Variants in NRXN1 observed in about 807,000 individuals in gnomAD.
NRXN1 encodes neurexin-1.
Under a neutral mutation model 150.9 loss-of-function variants are expected in NRXN1, and 39 were observed. That is an observed-to-expected ratio of 0.26 (90% CI 0.20 to 0.34). The LOEUF (loss-of-function observed/expected upper bound fraction) is 0.34. NRXN1 is among the 10% of genes least tolerant of loss of function. The pLI is 1.00. For synonymous variants in NRXN1, 924 were observed against 757.0 expected, an observed-to-expected ratio of 1.22 and a Z score of -3.62; for missense variants, 1,815 against 1,949.9, an observed-to-expected ratio of 0.93 and a Z score of 1.30.
intron 17 of NRXN1, among the ~76,000 whole-genome samples, chr2:50,421,732 A>G (rs2084015428): frequency 6.6e-6 from 1 of 152,178 alleles, no homozygotes. Flanking sequence ...TTTTGTAGCT[A>G]AACAAAGTGC....
intron 5 of NRXN1, among the ~76,000 whole-genome samples, chr2:50,822,631 G>A (rs1355727018): frequency 6.6e-6 from 1 of 152,002 alleles, no homozygotes; most frequent in Non-Finnish European, 1.5e-5. Flanking sequence ...TGAATGCTGA[G>A]AAAAAGAGAA....
At chr2:50,444,631 AC>A (rs1355938122) in intron 17 of NRXN1, among the ~76,000 whole-genome samples, 1 of 152,148 alleles carries the variant, frequency 6.6e-6, no homozygotes, top group Non-Finnish European at 1.5e-5. Flanking sequence ...TTAAGAGGAC[AC>A]CAAAAAGTCA....
chr2:50,086,807 G>C (rs1216661056), intron 19 of NRXN1, among the ~76,000 whole-genome samples: 1 of 144,812 alleles, frequency 6.9e-6, no homozygotes, highest in Non-Finnish European at 1.5e-5. Context: ...GAGAGGGGGA[G>C]AGGCAGAGAA....
At chr2:50,299,690 A>C (rs2152953441) in intron 17 of NRXN1, among the ~76,000 whole-genome samples, 1 of 152,310 alleles carries the variant, frequency 6.6e-6, no homozygotes, top group African/African-American at 2.4e-5. Flanking sequence ...TTTAAAAGTT[A>C]AAGGAAGAAA....
intron 8 of NRXN1, among the ~76,000 whole-genome samples, chr2:50,556,402 T>A (rs1454616251): frequency 2.0e-5 from 3 of 152,180 alleles, no homozygotes; most frequent in African/African-American, 7.2e-5. Context: ...ATGTTTCACT[T>A]TTGAACAAGT....
chr2:50,324,041 G>A (rs1177299296), intron 17 of NRXN1, among the ~76,000 whole-genome samples: 1 of 152,200 alleles, frequency 6.6e-6, no homozygotes, highest in Non-Finnish European at 1.5e-5. Context: ...CCCGAGGACG[G>A]GAAGGCTTTG....
At chr2:50,067,142 T>C (rs78191852) in intron 19 of NRXN1, among the ~76,000 whole-genome samples, 2,976 of 152,262 alleles carry the variant, frequency 0.02, 82 homozygotes, top group African/African-American at 0.068. Flanking sequence ...ACTGCTGTGA[T>C]GTTGGGCGTA....
intron 5 of NRXN1, among the ~76,000 whole-genome samples, chr2:50,628,681 T>A (rs1326585534): frequency 1.3e-5 from 2 of 151,662 alleles, no homozygotes. Flanking sequence ...CATTTTTAAA[T>A]ACAAGTCCCA....
rs1436364831 is a variant in NRXN1 at position 50,000,359 on chromosome 2, G to C, written c.4128+52912C>G. On this transcript the variant is annotated intron_variant, in intron 21 of 22. Coordinates refer to ENST00000401669, the MANE Select transcript of NRXN1 (RefSeq NM_001330078.2). ...AAGAAATGGAAATTATATAACTAGA[G>C]ATAATTCAAATATGTAAATAAAATT... is the stretch of plus-strand genomic sequence containing the variant. 3.9e-5 allele frequency among the ~76,000 whole-genome samples: 6 copies of C among 152,076 alleles called. No individual in the cohort carries two copies. In the South Asian group the frequency reaches 1.2e-3, roughly 31 times the overall value.
rs188611846 is a variant in NRXN1 at position 50,507,536 on chromosome 2, T to C, written c.2375-919A>G. The stretch of plus-strand genomic sequence containing the variant: ...CTGCTAGTGAATCTATATAAACCTA[T>C]GCAAATGAAATTTAAATGGACTCAG... On this transcript the variant is annotated intron_variant, in intron 12 of 22. Transcript: ENST00000401669. 5.7e-4 allele frequency among the ~76,000 whole-genome samples: 85 copies of C among 149,034 alleles called. No individual in the cohort carries two copies. The East Asian group carries it at 0.014, about 25-fold the overall frequency.
At chr2:50,424,930 G>A (rs1042720929) in intron 17 of NRXN1, among the ~76,000 whole-genome samples, 3 of 152,084 alleles carry the variant, frequency 2.0e-5, no homozygotes, top group African/African-American at 7.2e-5. Context: ...CCAATTCACT[G>A]TAGTTCTTCA....
chr2:50,359,787 C>T (rs547922401), intron 17 of NRXN1, among the ~76,000 whole-genome samples: 92 of 152,072 alleles, frequency 6.0e-4, no homozygotes, highest in Non-Finnish European at 1.1e-3. Context: ...AGAAGAGCAA[C>T]CCCAAAACAC....
intron 21 of NRXN1, among the ~76,000 whole-genome samples, chr2:49,962,056 C>G (rs985875490): frequency 6.6e-6 from 1 of 151,776 alleles, no homozygotes; most frequent in Non-Finnish European, 1.5e-5. Flanking sequence ...TAGTGAGACC[C>G]TAACACTAAA....
At chr2:50,724,776 A>C (rs115738221) in intron 5 of NRXN1, among the ~76,000 whole-genome samples, 6,112 of 152,226 alleles carry the variant, frequency 0.04, 150 homozygotes, top group Admixed American at 0.07. Context: ...GTGTGTGATG[A>C]GGTATTACTC....
chr2:50,988,315 T>C (rs1025365545), intron 2 of NRXN1, among the ~76,000 whole-genome samples: 5 of 151,982 alleles, frequency 3.3e-5, no homozygotes, highest in African/African-American at 1.2e-4. Flanking sequence ...CTTGAAATAA[T>C]ATAGACTTTA....
At chr2:50,605,775 G>A (rs1677003773) in intron 8 of NRXN1, among the ~76,000 whole-genome samples, 1 of 150,772 alleles carries the variant, frequency 6.6e-6, no homozygotes, top group Admixed American at 6.7e-5. Flanking sequence ...ATATCATGCA[G>A]CAATCCCACT....
At chr2:50,128,840 G>T (rs959994150) in intron 18 of NRXN1, among the ~76,000 whole-genome samples, 1 of 151,560 alleles carries the variant, frequency 6.6e-6, no homozygotes, top group South Asian at 2.1e-4. Flanking sequence ...AAAATTAACC[G>T]GGCATGGTGG....
intron 21 of NRXN1, among the ~76,000 whole-genome samples, chr2:50,013,425 G>T (rs906703202): frequency 1.5e-4 from 23 of 152,088 alleles, no homozygotes; most frequent in African/African-American, 5.5e-4. Context: ...TTGACCTCTT[G>T]AATTGTTGGC....
intron 21 of NRXN1, among the ~76,000 whole-genome samples, chr2:49,990,773 G>A (rs979756396): frequency 6.6e-6 from 1 of 152,050 alleles, no homozygotes; most frequent in African/African-American, 2.4e-5. Flanking sequence ...ATTCACAGAG[G>A]GCACTAGATA....
Sources: allele counts gnomAD v4.1 joint callset (sites outside exome capture counted in the v4.1 genomes callset), GRCh38; gene constraint gnomAD v4.1.1; transcripts MANE v1.5; gene names NCBI Gene and HGNC (gene_info 2026-07-23, HGNC 2026-07-21).